The following DGCR2 variants were observed in gnomAD, a reference collection of about 807,000 sequenced individuals.
DGCR2 encodes integral membrane protein DGCR2/IDD.
In DGCR2, 24 loss-of-function variants were observed where a neutral mutation model predicts 51.6. The ratio of observed to expected loss-of-function variants is 0.47; its 90% CI spans 0.34 to 0.65. The LOEUF is 0.65. Ranked by LOEUF, DGCR2 falls within the 30% of genes least tolerant of loss-of-function variation. The pLI is 0.01. For synonymous variants in DGCR2, 340 were observed against 315.4 expected, an observed-to-expected ratio of 1.08 and a Z score of -0.82; for missense variants, 765 against 772.1, an observed-to-expected ratio of 0.99 and a Z score of 0.11.
chr22:19,115,199 C>T (rs1205570138), intron 1 of DGCR2, among the ~76,000 whole-genome samples: 9 of 152,224 alleles, frequency 5.9e-5, no homozygotes, highest in Admixed American at 5.9e-4. Flanking sequence ...CAGCCACATC[C>T]TCACACAGGG....
chr22:19,065,260 A>C (rs575931445), intron 3 of DGCR2, 193 bp from the exon 4 acceptor site: 11 of 592,492 alleles, frequency 1.9e-5, no homozygotes, highest in Non-Finnish European at 3.3e-5. Context: ...ACACAGATTC[A>C]ATGATACAAG....
At chr22:19,063,046 C>CTGAT (rs1313364467) in intron 5 of DGCR2, among the ~76,000 whole-genome samples, 156 bp downstream of exon 5, 12 of 152,102 alleles carry the variant, frequency 7.9e-5, no homozygotes, top group Non-Finnish European at 1.5e-4. Flanking sequence ...CTGCACTGGC[C>CTGAT]CCATGACCGC....
rs1298339165 is a variant in DGCR2 at position 19,085,815 on chromosome 22, G to GTCTA, written c.202+3549_202+3552dup. Among the ~76,000 whole-genome samples, 7 of 152,168 alleles carry GTCTA rather than the reference G, an allele frequency of 4.6e-5. No homozygotes were observed. In the South Asian group the frequency reaches 1.0e-3, roughly 22 times the overall value. Reference sequence around the variant, plus strand: ...ATAAGGTAACTCCAGAAGTCCTGAAGTCTAGTTCAAAAGCAACTTGACTGA... The same window carrying GTCTA: ...ATAAGGTAACTCCAGAAGTCCTGAAGTCTATCTAGTTCAAAAGCAACTTGACTGA... On this transcript the variant is annotated intron_variant, in intron 2 of 9. Coordinates refer to ENST00000263196, the MANE Select transcript of DGCR2 (RefSeq NM_005137.3).
Position 19,106,143 on chromosome 22 carries a change from G to A in DGCR2, c.79+15985C>T, listed in dbSNP as rs1477690534. ...GGCCCGTGCAACCCTGCTCAGCCTC[G>A]CCAGGCTGCTTCCTCCATCTGTAAA... On this transcript the variant is annotated intron_variant, in intron 1 of 9. Coordinates refer to ENST00000263196, the MANE Select transcript of DGCR2 (RefSeq NM_005137.3). Among the ~76,000 whole-genome samples the A allele has an allele frequency of 3.3e-5, 5 of 152,136 alleles. No individual in the cohort carries two copies. In the South Asian group the frequency reaches 8.3e-4, roughly 25 times the overall value.
intron 5 of DGCR2, 95 bp downstream of exon 5, chr22:19,063,107 G>A: frequency 4.1e-6 from 5 of 1,224,894 alleles, no homozygotes; most frequent in Non-Finnish European, 4.8e-6. Flanking sequence ...CACCCCTACG[G>A]GCCAGGCAGC....
chr22:19,055,081 A>C (rs1601520016), intron 6 of DGCR2, among the ~76,000 whole-genome samples: 1 of 152,140 alleles, frequency 6.6e-6, no homozygotes, highest in South Asian at 2.1e-4. Flanking sequence ...ACGTCACTGC[A>C]CTCCAGCCTG....
At position 19,057,500 on chromosome 22, in the gene DGCR2, T is replaced by C. The variant is rs186071664; in HGVS notation, c.626-338A>G. 6.6e-6 allele frequency among the ~76,000 whole-genome samples: 1 copy of C among 152,298 alleles called. No homozygotes were observed. Among genetic ancestry groups the C allele is most frequent in the East Asian group, 1.9e-4 (1 of 5,184 alleles). On this transcript the variant is annotated intron_variant, in intron 5 of 9. Coordinates refer to ENST00000263196, the MANE Select transcript of DGCR2 (RefSeq NM_005137.3). The surrounding 1 kb of genome is among the most constrained non-coding windows in gnomAD (Gnocchi z 5.1). ...TTAGAGCAACAGCATAATAACAAAG[T>C]AATGGATTGTGGCACACTGGATTAA...
chr22:19,043,295 C>G (rs959699633), intron 7 of DGCR2, among the ~76,000 whole-genome samples: 2 of 152,252 alleles, frequency 1.3e-5, no homozygotes, highest in Non-Finnish European at 2.9e-5. Flanking sequence ...CCCCAACACA[C>G]AGTATCTGGT....
At chr22:19,048,360 C>A in intron 7 of DGCR2, 80 bp downstream of exon 7, 1 of 1,465,982 alleles carries the variant, frequency 6.8e-7, no homozygotes, top group South Asian at 1.1e-5. Context: ...TGAGTCCTCA[C>A]CACTGAGGAA....
chr22:19,094,529 A>G (rs985356827), intron 1 of DGCR2, among the ~76,000 whole-genome samples: 1 of 152,246 alleles, frequency 6.6e-6, no homozygotes, highest in Non-Finnish European at 1.5e-5. Context: ...GTGTGAAGCA[A>G]CTGGAACTCT....
chr22:19,122,035 T>C, intron 1 of DGCR2, 93 bp downstream of exon 1: 1 of 823,292 alleles, frequency 1.2e-6, no homozygotes, highest in African/African-American at 1.9e-5. Context: ...GCGCGGCCCC[T>C]GCAGGAGGGC....
chr22:19,088,270 T>C (rs1164754580), intron 2 of DGCR2, among the ~76,000 whole-genome samples: 1 of 152,180 alleles, frequency 6.6e-6, no homozygotes, highest in Non-Finnish European at 1.5e-5. Context: ...ATGGTGAGAA[T>C]TACCAATGGT....
At chr22:19,119,360 G>A (rs912703346) in intron 1 of DGCR2, among the ~76,000 whole-genome samples, 4 of 152,136 alleles carry the variant, frequency 2.6e-5, no homozygotes, top group Non-Finnish European at 5.9e-5. Context: ...ATCTAGCAGG[G>A]ACCTCTTGAG....
chr22:19,120,879 A>G (rs1173740160), intron 1 of DGCR2, among the ~76,000 whole-genome samples: 2 of 152,192 alleles, frequency 1.3e-5, no homozygotes, highest in African/African-American at 4.8e-5. Context: ...GCCACCCCAC[A>G]ACTAGTCATC....
At chr22:19,040,669 A>G (rs546160705) in intron 9 of DGCR2, among the ~76,000 whole-genome samples, 2 of 152,324 alleles carry the variant, frequency 1.3e-5, no homozygotes, top group East Asian at 3.9e-4. Flanking sequence ...TCTCTAGCTC[A>G]TGTGTCTACA....
chr22:19,112,012 C>T (rs1419967116), intron 1 of DGCR2, among the ~76,000 whole-genome samples: 1 of 152,056 alleles, frequency 6.6e-6, no homozygotes, highest in Non-Finnish European at 1.5e-5. Context: ...ATGGCTCATG[C>T]CTATAATCCC....
At chr22:19,048,271 A>G in intron 7 of DGCR2, 169 bp downstream of exon 7, 1 of 693,320 alleles carries the variant, frequency 1.4e-6, no homozygotes, top group South Asian at 1.8e-5. Flanking sequence ...CGCCCACTAG[A>G]GTAGTGGCAT....
rs1555902462 is a variant in DGCR2, at chr22:19,056,566, A to AACAC, written c.802+416_802+419dup. 819 of 333,200 alleles carry AACAC rather than the reference A, an allele frequency of 2.5e-3. 2 individuals are homozygous for AACAC. The highest frequency in any genetic ancestry group is 4.6e-3 in the South Asian group (94 of 20,534). 20.6% of individuals were successfully genotyped at this position (333,200 alleles called of 1,614,324 possible). A position where few individuals can be genotyped will look rare whatever the true frequency, so the allele number is the denominator to read the frequency against. ...TAGCTGGCTTTAATAAAAAAAAAAA[A>AACAC]ACACACACACCATAGACTGGCAAGG... On this transcript the variant is annotated intron_variant, in intron 6 of 9. Coordinates refer to ENST00000263196, the MANE Select transcript of DGCR2 (RefSeq NM_005137.3).
In DGCR2 at chr22:19,075,525, T is replaced by C. The variant is rs556785494; in HGVS notation, c.203-7300A>G. Among the ~76,000 whole-genome samples the C allele has an allele frequency of 4.6e-5, 7 of 151,964 alleles. No individual in the cohort carries two copies. In the South Asian group the frequency reaches 1.3e-3, roughly 27 times the overall value. On this transcript the variant is annotated intron_variant, in intron 2 of 9. Transcript: ENST00000263196. ...AGTTCCATAACAACCATCACCACCA[T>C]CCATCTCCAGAACTTTTCATCTTAC...
Sources: allele counts gnomAD v4.1 joint callset (sites outside exome capture counted in the v4.1 genomes callset), GRCh38; gene constraint gnomAD v4.1.1; non-coding constraint Gnocchi (gnomAD v3.1); transcripts MANE v1.5; gene names NCBI Gene and HGNC (gene_info 2026-07-23, HGNC 2026-07-21).